Variants in ADRA1B observed in about 807,000 individuals in gnomAD.
ADRA1B encodes the protein alpha-1B adrenergic receptor.
Under a neutral mutation model 17.9 loss-of-function variants are expected in ADRA1B, and 17 were observed. That is an observed-to-expected ratio of 0.95 (90% confidence interval 0.65 to 1.42). ADRA1B has a LOEUF of 1.42. Among genes scored for constraint, ADRA1B ranks in the 40% most tolerant of loss-of-function variants. The probability of loss-of-function intolerance (pLI) is 0.00; values close to 1 mark genes in which losing one functional copy is unlikely to be tolerated. For missense variants in ADRA1B, 681 were observed against 722.1 expected, an observed-to-expected ratio of 0.94 and a Z score of 0.65; for synonymous variants, 366 against 327.6, an observed-to-expected ratio of 1.12 and a Z score of -1.27.
At chr5:159,944,940 A>G (rs548444602) in intron 1 of ADRA1B, among the ~76,000 whole-genome samples, 1 of 152,342 alleles carries the variant, frequency 6.6e-6, no homozygotes, top group Admixed American at 6.5e-5. Flanking sequence ...AATCGTACAT[A>G]TAAATAAGCA....
intron 1 of ADRA1B, among the ~76,000 whole-genome samples, chr5:159,873,444 G>A (rs1327854352): frequency 6.6e-6 from 1 of 152,156 alleles, no homozygotes; most frequent in Non-Finnish European, 1.5e-5. Context: ...ACCTTGCCCA[G>A]GAGAGTACCC....
At position 159,972,207 on chromosome 5, in the gene ADRA1B, G is replaced by C. The variant is rs774991405; in HGVS notation, c.1278G>C (p.Pro426=). 7.3e-7 allele frequency: 1 copy of C among 1,361,436 alleles called. No individual in the cohort carries two copies. Among genetic ancestry groups the C allele is most frequent in the Non-Finnish European group, 9.5e-7 (1 of 1,052,808 alleles). 84.3% of individuals were successfully genotyped at this position (1,361,436 alleles called of 1,614,324 possible). A position where few individuals can be genotyped will look rare whatever the true frequency, so the allele number is the denominator to read the frequency against. Residue 426 remains proline (P), a synonymous_variant, in exon 2 of 2, where the codon CCG becomes CCC. Transcript: ENST00000306675. ...AGCGGACCCTGCCCTCGGCCTCGCCGAGCCCGGGCTACCTGGGCCGCGGCG... is the reference window on the plus strand; with the variant it reads ...AGCGGACCCTGCCCTCGGCCTCGCCCAGCCCGGGCTACCTGGGCCGCGGCG... The part of the protein sequence containing the change: ...GSQRTLPSAS[P]SPGYLGRGAP...
intron 1 of ADRA1B, among the ~76,000 whole-genome samples, chr5:159,945,383 G>A (rs992078659): frequency 5.9e-5 from 9 of 152,036 alleles, no homozygotes; most frequent in Admixed American, 2.0e-4. Context: ...AATAAGGAAA[G>A]AAAAAAGAGA....
At chr5:159,956,462 A>G (rs1755552673) in intron 1 of ADRA1B, among the ~76,000 whole-genome samples, 1 of 151,990 alleles carries the variant, frequency 6.6e-6, no homozygotes, top group South Asian at 2.1e-4. Flanking sequence ...CTTCCCTGAA[A>G]TTTGCTTTTT....
intron 1 of ADRA1B, among the ~76,000 whole-genome samples, chr5:159,953,078 GA>G (rs1755477223): frequency 6.6e-6 from 1 of 152,138 alleles, no homozygotes; most frequent in African/African-American, 2.4e-5. Flanking sequence ...ACAATGTCAA[GA>G]GCTGGATGTG....
chr5:159,896,652 CCT>C (rs1328140442), intron 1 of ADRA1B, among the ~76,000 whole-genome samples: 1 of 152,122 alleles, frequency 6.6e-6, no homozygotes, highest in Non-Finnish European at 1.5e-5. Flanking sequence ...CATATTAGGT[CCT>C]CTGTCAAATC....
At position 159,972,240 on chromosome 5, in the gene ADRA1B, G is replaced by A. The variant is rs1030741715; in HGVS notation, c.1311G>A (p.Pro437=). The change falls in exon 2 of 2, where the codon CCG becomes CCA. Residue 437 remains proline, a synonymous_variant. Coordinates refer to ENST00000306675, the MANE Select transcript of ADRA1B (RefSeq NM_000679.4). ...GCTACCTGGGCCGCGGCGCGCCACC[G>A]CCAGTCGAGCTGTGCGCCTTCCCCG... ...SPGYLGRGAP[P]PVELCAFPEW... is the part of the protein sequence containing the mutation. 2.2e-6 allele frequency: 3 copies of A among 1,345,794 alleles called. No individual in the cohort carries two copies. Among genetic ancestry groups the A allele is most frequent in the African/African-American group, 3.1e-5 (2 of 64,868 alleles). 83.4% of individuals were successfully genotyped at this position (1,345,794 alleles called of 1,614,324 possible).
chr5:159,984,546 C>T, the ADRA1B span, among the ~76,000 whole-genome samples: 2 of 152,264 alleles, frequency 1.3e-5, no homozygotes, highest in African/African-American at 4.8e-5. Context: ...CTCTGTGCTT[C>T]CACCTCAGAA....
upstream of ADRA1B, among the ~76,000 whole-genome samples, chr5:159,914,274 A>G (rs558222049): frequency 6.6e-6 from 1 of 152,334 alleles, no homozygotes; most frequent in South Asian, 2.1e-4. Flanking sequence ...AAGTTCTTCC[A>G]GTCTCACACC....
intron 1 of ADRA1B, among the ~76,000 whole-genome samples, chr5:159,889,716 C>G (rs936615826): frequency 2.6e-5 from 4 of 152,190 alleles, no homozygotes; most frequent in Non-Finnish European, 5.9e-5. Context: ...CCTTACTAAA[C>G]AGGTTCTGTC....
At chr5:159,895,750 A>G (rs1279181847) in intron 1 of ADRA1B, among the ~76,000 whole-genome samples, 1 of 152,190 alleles carries the variant, frequency 6.6e-6, no homozygotes, top group African/African-American at 2.4e-5. Context: ...GGCTTTACAT[A>G]CTGTTTTGCA....
At chr5:159,941,172 T>G (rs1755116049) in intron 1 of ADRA1B, among the ~76,000 whole-genome samples, 1 of 152,214 alleles carries the variant, frequency 6.6e-6, no homozygotes, top group African/African-American at 2.4e-5. Context: ...ATATTTAAAT[T>G]AATTAAAATT....
intron 1 of ADRA1B, among the ~76,000 whole-genome samples, chr5:159,957,752 A>G (rs538514627): frequency 6.6e-6 from 1 of 151,640 alleles, no homozygotes. Flanking sequence ...CCTGGTCAAC[A>G]TGATGAAACC....
chr5:159,962,708 T>C (rs956955775), intron 1 of ADRA1B, among the ~76,000 whole-genome samples: 2 of 148,342 alleles, frequency 1.3e-5, no homozygotes, highest in African/African-American at 5.0e-5. Flanking sequence ...TCTCGCTCTA[T>C]TGCCCAGCCT....
chr5:159,917,344 G>C lies in ADRA1B; in HGVS notation c.439G>C (p.Val147Leu), dbSNP rs1470615522. ...CATCTCCATCGATCGCTACATCGGG[G>C]TGCGCTACTCTCTGCAGTATCCCAC... ...CAISIDRYIG[V>L]RYSLQYPTLV... The change falls in exon 1 of 2, where the codon GTG becomes CTG. Residue 147 changes from valine (V) to leucine (L), a missense_variant. Coordinates refer to ENST00000306675, the MANE Select transcript of ADRA1B (RefSeq NM_000679.4). 6.8e-6 allele frequency: 11 copies of C among 1,614,028 alleles called. No homozygotes were observed. The highest frequency in any genetic ancestry group is 9.3e-6 in the Non-Finnish European group (11 of 1,180,002).
chr5:159,937,908 C>G (rs1054252465), intron 1 of ADRA1B: 1 of 152,242 alleles, frequency 6.6e-6, no homozygotes, highest in South Asian at 2.1e-4. Flanking sequence ...TGGGGTTTGC[C>G]TGGCCTCAGG....
At chr5:159,979,151 C>A in the ADRA1B span, among the ~76,000 whole-genome samples, 4 of 144,712 alleles carry the variant, frequency 2.8e-5, no homozygotes, top group South Asian at 4.4e-4. Context: ...CACAGTAAGA[C>A]CCTATCTCTA....
chr5:159,907,479 CTGTT>C (rs1435341014), intron 1 of ADRA1B, among the ~76,000 whole-genome samples: 7 of 149,428 alleles, frequency 4.7e-5, no homozygotes, highest in African/African-American at 1.2e-4. Flanking sequence ...TTACCAGCCG[CTGTT>C]TGTTCAGGGC....
At chr5:159,952,236 T>C (rs1480807699) in intron 1 of ADRA1B, among the ~76,000 whole-genome samples, 2 of 152,164 alleles carry the variant, frequency 1.3e-5, no homozygotes, top group African/African-American at 4.8e-5. Flanking sequence ...CTATATACAC[T>C]ATGTTTTTCC....
Sources: gnomAD v4.1 joint callset for allele counts (sites outside exome capture counted in the v4.1 genomes callset) on GRCh38, gnomAD v4.1.1 for gene constraint, MANE v1.5 for transcripts, NCBI Gene and HGNC (gene_info 2026-07-23, HGNC 2026-07-21) for gene names.